MYO16: variants seen among roughly 807,000 people sequenced by gnomAD.
The protein encoded by MYO16 is myosin XVI.
A neutral mutation model predicts 205.3 loss-of-function variants in MYO16; 94 were observed. The observed-to-expected ratio is 0.46, with a 90% CI of 0.39 to 0.54. The LOEUF (loss-of-function observed/expected upper bound fraction) is 0.54. MYO16 is among the 20% of genes least tolerant of loss of function. The probability of loss-of-function intolerance (pLI) is 0.00; values close to 1 mark genes in which losing one functional copy is unlikely to be tolerated. For synonymous variants in MYO16, 988 were observed against 954.0 expected (o/e 1.04, Z -0.66); for missense variants, 2,315 against 2,387.5 (o/e 0.97, Z 0.63).
At chr13:108,782,215 A>G (rs1886325380) in intron 4 of MYO16, among the ~76,000 whole-genome samples, 1 of 152,190 alleles carries the variant, frequency 6.6e-6, no homozygotes, top group African/African-American at 2.4e-5. Flanking sequence ...TATGAACAAT[A>G]AGTTCCAGAC....
chr13:108,941,393 C>T (rs1393796572), intron 16 of MYO16, among the ~76,000 whole-genome samples: 1 of 152,088 alleles, frequency 6.6e-6, no homozygotes, highest in Non-Finnish European at 1.5e-5. Context: ...GGAATAAAAT[C>T]ACCCCGACAA....
chr13:108,902,583 C>A (rs76621566), intron 15 of MYO16, among the ~76,000 whole-genome samples: 1,900 of 152,322 alleles, frequency 0.012, 45 homozygotes, highest in African/African-American at 0.043. Flanking sequence ...TCTGTAGACG[C>A]ACGAGCTCTT....
chr13:109,157,453 CT>C (rs936084184), intron 32 of MYO16, among the ~76,000 whole-genome samples: 4 of 152,120 alleles, frequency 2.6e-5, no homozygotes, highest in African/African-American at 9.7e-5. Context: ...TTCCCTCCCC[CT>C]CTCCACATTC....
chr13:109,175,384 T>G (rs571079664), intron 33 of MYO16, among the ~76,000 whole-genome samples: 25 of 152,310 alleles, frequency 1.6e-4, no homozygotes, highest in Admixed American at 1.4e-3. Context: ...GCAGGTTCTA[T>G]GGAGTGTCCA....
At chr13:108,736,198 T>G (rs1275348609) in intron 4 of MYO16, among the ~76,000 whole-genome samples, 1 of 152,214 alleles carries the variant, frequency 6.6e-6, no homozygotes. Context: ...CTTTTGATGT[T>G]TTATACATGA....
rs193258921 is a variant in MYO16, at chr13:108,638,323, T to C, written c.28+8451T>C. On this transcript the variant is annotated intron_variant, in intron 1 of 34. Coordinates refer to ENST00000457511, the MANE Select transcript of MYO16 (RefSeq NM_001198950.3). Reference sequence around the variant, plus strand: ...TTTTTGTTAATTCCTCCCAAACTAATAGGTCAATACTACTTTTTATTTCGG... The same window carrying C: ...TTTTTGTTAATTCCTCCCAAACTAACAGGTCAATACTACTTTTTATTTCGG... Among the ~76,000 whole-genome samples, 43 of 152,204 alleles carry C rather than the reference T, an allele frequency of 2.8e-4. No individual in the cohort carries two copies. The East Asian group carries it at 5.2e-3, about 18-fold the overall frequency.
chr13:109,185,883 TA>T (rs112629430), intron 34 of MYO16, among the ~76,000 whole-genome samples: 19 of 151,834 alleles, frequency 1.3e-4, no homozygotes, highest in African/African-American at 2.4e-4. Flanking sequence ...TTTCAAAGTG[TA>T]AAAAAAAATC....
At chr13:108,943,220 G>C (rs1416511890) in intron 16 of MYO16, among the ~76,000 whole-genome samples, 3 of 152,150 alleles carry the variant, frequency 2.0e-5, no homozygotes, top group Non-Finnish European at 4.4e-5. Context: ...AAATTAATTG[G>C]TGGTTGATAA....
At position 109,110,705 on chromosome 13, in the gene MYO16, C is replaced by T. The variant is rs73618402; in HGVS notation, c.3439-9665C>T. On this transcript the variant is annotated intron_variant, in intron 28 of 34. Transcript: ENST00000457511. The stretch of plus-strand genomic sequence containing the variant: ...TCTATTTAGTAGCTTTTCAAAGCAA[C>T]CATGAAAATGTAGAGTGTGGAGGTA... Among the ~76,000 whole-genome samples, 630 of 152,220 alleles carry T rather than the reference C, an allele frequency of 4.1e-3. 4 individuals carry two copies. Among genetic ancestry groups the T allele is most frequent in the African/African-American group, 0.014 (573 of 41,538 alleles).
intron 2 of MYO16, among the ~76,000 whole-genome samples, chr13:108,696,765 C>T (rs1186859991): frequency 6.6e-6 from 1 of 152,156 alleles, no homozygotes; most frequent in Non-Finnish European, 1.5e-5. Flanking sequence ...AAACAAAAGA[C>T]TACTTTTCGA....
chr13:108,650,064 G>A (rs1880930634), intron 1 of MYO16, among the ~76,000 whole-genome samples: 1 of 152,026 alleles, frequency 6.6e-6, no homozygotes, highest in African/African-American at 2.4e-5. Flanking sequence ...CTTTAGTTTT[G>A]TCTCAGGCCT....
At chr13:108,884,594 A>T (rs1028709386) in intron 13 of MYO16, among the ~76,000 whole-genome samples, 1 of 152,078 alleles carries the variant, frequency 6.6e-6, no homozygotes, top group Non-Finnish European at 1.5e-5. Context: ...AGGGGCTCTC[A>T]CCCATTCTAG....
intron 27 of MYO16, among the ~76,000 whole-genome samples, chr13:109,072,379 A>G (rs1362119684): frequency 6.6e-6 from 1 of 152,112 alleles, no homozygotes; most frequent in Non-Finnish European, 1.5e-5. Flanking sequence ...ATGCAAGCTG[A>G]GTGATATTTA....
At chr13:108,565,513 G>T in the MYO16 span, among the ~76,000 whole-genome samples, 1 of 151,978 alleles carries the variant, frequency 6.6e-6, no homozygotes, top group East Asian at 1.9e-4. Flanking sequence ...ACTGATTTTT[G>T]TATGTTGATT....
At chr13:108,735,938 C>T (rs1252659731) in intron 4 of MYO16, among the ~76,000 whole-genome samples, 1 of 152,142 alleles carries the variant, frequency 6.6e-6, no homozygotes, top group Non-Finnish European at 1.5e-5. Context: ...GCATAAATGT[C>T]TTCTTTTGAG....
chr13:108,702,693 A>T (rs1883357391), intron 2 of MYO16, among the ~76,000 whole-genome samples: 1 of 152,178 alleles, frequency 6.6e-6, no homozygotes, highest in Non-Finnish European at 1.5e-5. Flanking sequence ...TTTAAAACAT[A>T]ATTACAGAAA....
chr13:108,953,054 C>A (rs1883216106), intron 16 of MYO16, among the ~76,000 whole-genome samples: 2 of 151,942 alleles, frequency 1.3e-5, no homozygotes, highest in African/African-American at 2.4e-5. Context: ...AAGTCCATGA[C>A]CCATTACCCA....
chr13:108,517,024 G>A, the MYO16 span, among the ~76,000 whole-genome samples: 2 of 152,100 alleles, frequency 1.3e-5, no homozygotes, highest in African/African-American at 2.4e-5. Flanking sequence ...TCAAATTCGT[G>A]GGTTCAAGCG....
the MYO16 span, among the ~76,000 whole-genome samples, chr13:108,577,246 G>T: frequency 2.0e-5 from 3 of 152,208 alleles, no homozygotes; most frequent in Non-Finnish European, 4.4e-5. Flanking sequence ...TGTCCTTGGA[G>T]TGTGCCTTCA....
Sources: allele counts gnomAD v4.1 joint callset (sites outside exome capture counted in the v4.1 genomes callset), GRCh38; gene constraint gnomAD v4.1.1; transcripts MANE v1.5; gene names NCBI Gene and HGNC (gene_info 2026-07-23, HGNC 2026-07-21).